MACC1: variants seen among roughly 807,000 people sequenced by gnomAD.
MACC1 encodes MET transcriptional regulator MACC1, also known as metastasis-associated in colon cancer protein 1.
In MACC1, 79 loss-of-function variants were observed where a neutral mutation model predicts 70.7. The observed-to-expected ratio is 1.12, with a 90% CI of 0.93 to 1.35. MACC1 has a LOEUF of 1.35. Among genes scored for constraint, MACC1 ranks in the 40% most tolerant of loss-of-function variants. MACC1 has a pLI of 0.00. For synonymous variants in MACC1, 361 were observed against 347.2 expected (o/e 1.04, Z -0.44); for missense variants, 1,106 against 978.1 (o/e 1.13, Z -1.74).
intron 1 of MACC1, among the ~76,000 whole-genome samples, chr7:20,206,898 GC>G (rs1318696361): frequency 6.6e-6 from 1 of 152,032 alleles, no homozygotes; most frequent in African/African-American, 2.4e-5. Flanking sequence ...ACCTCCTCCG[GC>G]CCCCCAGTCA....
At chr7:20,167,480 G>T (rs941885125) in intron 2 of MACC1, among the ~76,000 whole-genome samples, 5 of 151,874 alleles carry the variant, frequency 3.3e-5, no homozygotes, top group Admixed American at 6.6e-5. Flanking sequence ...ACAGGCATGA[G>T]CCACTATGCC....
chr7:20,205,055 A>T (rs1583412105), intron 1 of MACC1, among the ~76,000 whole-genome samples: 2 of 152,166 alleles, frequency 1.3e-5, no homozygotes, highest in Non-Finnish European at 2.9e-5. Flanking sequence ...TGATATATGA[A>T]TTCATACTTT....
chr7:20,171,929 G>A (rs1289460384), intron 1 of MACC1, among the ~76,000 whole-genome samples: 2 of 152,182 alleles, frequency 1.3e-5, no homozygotes, highest in African/African-American at 2.4e-5. Context: ...GGAAAAAGCT[G>A]AGAGAGGAAA....
At position 20,136,380 on chromosome 7, in the gene MACC1, A is replaced by G. The variant is rs1781717907; in HGVS notation, c.*4566T>C. On this transcript the variant is annotated 3_prime_UTR_variant, in exon 7 of 7. Transcript: ENST00000400331. Reference sequence around the variant, plus strand: ...CCTCTCTGTCTCTACTCCCTCACATATAAACTGACACTATTATTCAAAATT... The same window carrying G: ...CCTCTCTGTCTCTACTCCCTCACATGTAAACTGACACTATTATTCAAAATT... 1 of 152,222 alleles carries G rather than the reference A, an allele frequency of 6.6e-6. No individual in the cohort carries two copies. The highest frequency in any genetic ancestry group is 2.4e-5 in the African/African-American group (1 of 41,452). The allele number at this position is 152,222 out of a possible 1,614,324, so 9.4% of individuals were successfully genotyped here.
Position 20,159,214 on chromosome 7 carries a change from T to C in MACC1, c.1147A>G (p.Ser383Gly). The part of the protein sequence containing the change: ...GIYGPKYIHP[S>G]FTVVLTVCGH... ...CAAACTGTTAAAACAACAGTAAAAC[T>C]GGGATGGATATATTTGGGTCCATAA... The change falls in exon 5 of 7, where the codon AGT becomes GGT. Residue 383 changes from serine (S) to glycine (G), a missense_variant. By Grantham distance (56) the Ser-to-Gly change is moderately conservative (BLOSUM62 0). Transcript: ENST00000400331. 2 of 1,613,938 alleles carry C rather than the reference T, an allele frequency of 1.2e-6. No individual in the cohort carries two copies. Among genetic ancestry groups the C allele is most frequent in the East Asian group, 4.5e-5 (2 of 44,874 alleles).
At chr7:20,179,614 T>G (rs1394737228) in intron 1 of MACC1, among the ~76,000 whole-genome samples, 2 of 152,218 alleles carry the variant, frequency 1.3e-5, no homozygotes, top group African/African-American at 4.8e-5. Flanking sequence ...CTGAGTATTT[T>G]CCATTTCCTA....
At chr7:20,192,359 T>C (rs1398541088) in intron 1 of MACC1, among the ~76,000 whole-genome samples, 1 of 152,188 alleles carries the variant, frequency 6.6e-6, no homozygotes, top group African/African-American at 2.4e-5. Context: ...GCCATTGTGA[T>C]TTGCTTAACT....
rs923093692 is a variant in MACC1 at position 20,172,795 on chromosome 7, T to G, written c.-217-2017A>C. Among the ~76,000 whole-genome samples the G allele has an allele frequency of 2.6e-5, 4 of 152,310 alleles. No individual in the cohort carries two copies. In the East Asian group the frequency reaches 7.7e-4, roughly 29 times the overall value. ...TCTCCTTTTTCCTCCATCTCCCCTT[T>G]ATTTAATGCAGGTGGAATACTCAAG... On this transcript the variant is annotated intron_variant, in intron 1 of 6. Transcript: ENST00000400331.
rs1261667419 is a variant in MACC1 at position 20,159,910 on chromosome 7, C to T, written c.451G>A (p.Ala151Thr). Reference protein sequence around the residue: ...SELLDILDDTAHAHQSIHNSD... With the variant: ...SELLDILDDTTHAHQSIHNSD... Reference sequence around the variant, plus strand: ...TTATGTATACTCTGATGGGCATGTGCTGTGTCGTCTAAAATGTCCAGAAGT... The same window carrying T: ...TTATGTATACTCTGATGGGCATGTGTTGTGTCGTCTAAAATGTCCAGAAGT... Residue 151 changes from alanine to threonine, a missense_variant, in exon 5 of 7, where the codon GCA (alanine) becomes ACA (threonine). By Grantham distance (58) the Ala-to-Thr change is moderately conservative. Transcript: ENST00000400331. The T allele has an allele frequency of 6.2e-7, 1 of 1,614,018 alleles. No individual in the cohort carries two copies. The highest frequency in any genetic ancestry group is 1.3e-5 in the African/African-American group (1 of 74,918).
intron 1 of MACC1, among the ~76,000 whole-genome samples, chr7:20,190,913 CT>C (rs1283182863): frequency 6.6e-6 from 1 of 152,162 alleles, no homozygotes; most frequent in Non-Finnish European, 1.5e-5. Flanking sequence ...ACAATTGTTA[CT>C]ATGTACACAG....
At position 20,135,800 on chromosome 7, in the gene MACC1, CA is replaced by C. The variant is rs2128098795; in HGVS notation, c.*5145del. The C allele has an allele frequency of 6.6e-6, 1 of 152,272 alleles. No individual in the cohort carries two copies. Among genetic ancestry groups the C allele is most frequent in the South Asian group, 2.1e-4 (1 of 4,826 alleles). 9.4% of individuals were successfully genotyped at this position (152,272 alleles called of 1,614,324 possible). A position where few individuals can be genotyped will look rare whatever the true frequency, so the allele number is the denominator to read the frequency against. Reference sequence around the variant, plus strand: ...ACCTCCTAAGTCAGTACTCAAGCACCATACTGTAGTTTGTTTTAAACAGCTG... The same window carrying C: ...ACCTCCTAAGTCAGTACTCAAGCACCTACTGTAGTTTGTTTTAAACAGCTG... On this transcript the variant is annotated 3_prime_UTR_variant, in exon 7 of 7. Coordinates refer to ENST00000400331, the MANE Select transcript of MACC1 (RefSeq NM_182762.4).
rs760837592 is a variant in MACC1, at chr7:20,159,702, T to C, written c.659A>G (p.His220Arg). 14 of 1,614,160 alleles carry C rather than the reference T, an allele frequency of 8.7e-6. No homozygotes were observed. Among genetic ancestry groups the C allele is most frequent in the South Asian group, 2.2e-5 (2 of 91,086 alleles). ...AEVTIACKVN[H>R]QGGSVQLPES... ...AGGTAATTGTACTGACCCTCCTTGA[T>C]GGTTTACTTTGCAAGCTATGGTGAC... Residue 220 changes from histidine to arginine, a missense_variant, in exon 5 of 7, where the codon CAT becomes CGT. His to Arg is a conservative substitution (Grantham distance 29, BLOSUM62 0). Coordinates refer to ENST00000400331, the MANE Select transcript of MACC1 (RefSeq NM_182762.4).
At chr7:20,146,138 A>G (rs74973677) in intron 6 of MACC1, among the ~76,000 whole-genome samples, 1 of 147,918 alleles carries the variant, frequency 6.8e-6, no homozygotes, top group Non-Finnish European at 1.5e-5. Flanking sequence ...TCCAGCCTGG[A>G]TCTCAAAAAG....
chr7:20,202,868 C>G (rs969040822), intron 1 of MACC1, among the ~76,000 whole-genome samples: 1 of 152,132 alleles, frequency 6.6e-6, no homozygotes, highest in Non-Finnish European at 1.5e-5. Flanking sequence ...TATTCCTAGT[C>G]TAAATTCATT....
chr7:20,184,410 T>G (rs1360696594), intron 1 of MACC1, among the ~76,000 whole-genome samples: 3 of 152,218 alleles, frequency 2.0e-5, no homozygotes, highest in African/African-American at 7.2e-5. Flanking sequence ...CCTCCCAGTC[T>G]CTGCAACAAT....
chr7:20,159,455 G>A lies in MACC1; in HGVS notation c.906C>T (p.Ser302=), dbSNP rs1267325742. ...AACACACCATTTCTGTCATGACTTG[G>A]CTGAAAGGATCCTTTCTTACTTCAG... is the stretch of plus-strand genomic sequence containing the variant. ...IGAEVRKDPF[S]QVMTEMVCLH... The change falls in exon 5 of 7, where the codon AGC becomes AGT. Residue 302 remains serine, a synonymous_variant. Coordinates refer to ENST00000400331, the MANE Select transcript of MACC1 (RefSeq NM_182762.4). 1.1e-5 allele frequency: 17 copies of A among 1,613,962 alleles called. No homozygotes were observed. The highest frequency in any genetic ancestry group is 1.4e-5 in the Non-Finnish European group (16 of 1,180,018).
At chr7:20,201,233 A>T (rs1024569634) in intron 1 of MACC1, among the ~76,000 whole-genome samples, 1 of 152,158 alleles carries the variant, frequency 6.6e-6, no homozygotes, top group African/African-American at 2.4e-5. Context: ...GGGCTCTCAG[A>T]CTGTCCCCCC....
In MACC1 at chr7:20,139,424, G is replaced by A. The variant is rs1160330591; in HGVS notation, c.*1522C>T. 1.3e-5 allele frequency: 2 copies of A among 151,922 alleles called. No homozygotes were observed. The highest frequency in any genetic ancestry group is 2.4e-5 in the African/African-American group (1 of 41,354). The allele number at this position is 151,922 out of a possible 1,614,324, so 9.4% of individuals were successfully genotyped here. ...ACCCCCACTTCCAGTTTCACATGAT[G>A]GCATCTCTACGTTTATATCTCGTAG... On this transcript the variant is annotated 3_prime_UTR_variant, in exon 7 of 7. Transcript: ENST00000400331.
intron 5 of MACC1, among the ~76,000 whole-genome samples, chr7:20,156,066 G>T (rs1005447193): frequency 2.3e-4 from 35 of 152,184 alleles, no homozygotes; most frequent in African/African-American, 8.0e-4. Flanking sequence ...GTGCTTTAGA[G>T]AGTGTCAAGT....
Sources: allele counts gnomAD v4.1 joint callset (sites outside exome capture counted in the v4.1 genomes callset), GRCh38; gene constraint gnomAD v4.1.1; transcripts MANE v1.5; gene names NCBI Gene and HGNC (gene_info 2026-07-23, HGNC 2026-07-21).